TRMT13: variants seen among roughly 807,000 people sequenced by gnomAD.
TRMT13 encodes tRNA methyltransferase 13.
In TRMT13, 45 loss-of-function variants were observed where a neutral mutation model predicts 55.9. The observed-to-expected ratio is 0.80, with a 90% CI of 0.63 to 1.03. The LOEUF is 1.03. Ranked by LOEUF, TRMT13 falls within the 50% of genes least tolerant of loss-of-function variation. The pLI is 0.00. For missense variants in TRMT13, 513 were observed against 563.9 expected (o/e 0.91, Z 0.91); for synonymous variants, 183 against 196.3 (o/e 0.93, Z 0.57).
intron 3 of TRMT13, among the ~76,000 whole-genome samples, chr1:100,138,429 C>T (rs185154034): frequency 2.6e-5 from 4 of 151,994 alleles, no homozygotes; most frequent in Admixed American, 6.6e-5. Context: ...AGTTTTTTTC[C>T]GTTATCCAGT....
chr1:100,140,980 T>C lies in TRMT13; in HGVS notation c.630T>C (p.Val210=), dbSNP rs539584360. 1.2e-5 allele frequency: 19 copies of C among 1,613,564 alleles called. No individual in the cohort carries two copies. The East Asian group carries it at 4.2e-4, about 36-fold the overall frequency. ...TTGCCTTAAAAGATGCTGAAAAAGT[T>C]CACTTCATCCTAGTGGAAAAGGTGA... ...VDIALKDAEK[V]HFILVEKVTT... The change falls in exon 7 of 11, where the codon GTT becomes GTC. Residue 210 remains valine, a synonymous_variant. Coordinates refer to ENST00000370141, the MANE Select transcript of TRMT13 (RefSeq NM_019083.3).
intron 8 of TRMT13, 145 bp from the exon 9 acceptor site, chr1:100,143,924 A>G (rs1261585801): frequency 3.0e-6 from 2 of 657,256 alleles, no homozygotes; most frequent in Non-Finnish European, 5.4e-6. Context: ...TTCTTATGTT[A>G]TATGTTGGGT....
rs1216137465 is a variant in TRMT13 at position 100,148,663 on chromosome 1, T to G, written c.1289T>G (p.Leu430Arg). 1 of 1,611,738 alleles carries G rather than the reference T, an allele frequency of 6.2e-7. No homozygotes were observed. Among genetic ancestry groups the G allele is most frequent in the South Asian group, 1.1e-5 (1 of 90,192 alleles). The change falls in exon 11 of 11, where the codon CTT becomes CGT. Residue 430 changes from leucine (L) to arginine (R), a missense_variant. By Grantham distance (102) the Leu-to-Arg change is moderately radical (BLOSUM62 -2). Coordinates refer to ENST00000370141, the MANE Select transcript of TRMT13 (RefSeq NM_019083.3). ...GAAGAAAAGAAGAAAATAGGGCATC[T>G]TTGTAAATTGCTGATTGACCAAGGT... ...SVEEKKKIGH[L>R]CKLLIDQGRI...
At position 100,140,478 on chromosome 1, in the gene TRMT13, A is replaced by C; in HGVS notation, c.465A>C (p.Lys155Asn). 1 of 1,614,058 alleles carries C rather than the reference A, an allele frequency of 6.2e-7. No homozygotes were observed. Among genetic ancestry groups the C allele is most frequent in the Non-Finnish European group, 8.5e-7 (1 of 1,179,944 alleles). The change falls in exon 6 of 11, where the codon AAA becomes AAC. Residue 155 changes from lysine (K) to asparagine (N), a missense_variant. Transcript: ENST00000370141. Reference sequence around the variant, plus strand: ...TACACGATGCACTTAATGACCCTAAAAATGGCGATTCTGCAACCAAGCACC... The same window carrying C: ...TACACGATGCACTTAATGACCCTAACAATGGCGATTCTGCAACCAAGCACC... ...PALHDALNDP[K>N]NGDSATKHLK...
Position 100,149,447 on chromosome 1 carries a change from G to A in TRMT13, c.*627G>A. On this transcript the variant is annotated 3_prime_UTR_variant, in exon 11 of 11. Coordinates refer to ENST00000370141, the MANE Select transcript of TRMT13 (RefSeq NM_019083.3). ...ACAAAACTGAAGAGCTGTTTTCAAA[G>A]AAAAAAGATTATTTCACTTAATTAT... 1 of 1,532,940 alleles carries A rather than the reference G, an allele frequency of 6.5e-7. No individual in the cohort carries two copies. Among genetic ancestry groups the A allele is most frequent in the Non-Finnish European group, 8.8e-7 (1 of 1,140,608 alleles). 95.0% of individuals were successfully genotyped at this position (1,532,940 alleles called of 1,614,324 possible).
chr1:100,141,277 C>A (rs1254863140), intron 7 of TRMT13, among the ~76,000 whole-genome samples: 1 of 152,116 alleles, frequency 6.6e-6, no homozygotes, highest in East Asian at 1.9e-4. Flanking sequence ...GAGCCAAGCT[C>A]AAGCTAGGAG....
In TRMT13 at chr1:100,148,097, G is replaced by A; in HGVS notation, c.1021G>A (p.Asp341Asn). 6.2e-7 allele frequency: 1 copy of A among 1,614,230 alleles called. No individual in the cohort carries two copies. The highest frequency in any genetic ancestry group is 8.5e-7 in the Non-Finnish European group (1 of 1,180,040). Residue 341 changes from aspartate to asparagine, a missense_variant, in exon 10 of 11, where the codon GAT (aspartate) becomes AAT (asparagine). Coordinates refer to ENST00000370141, the MANE Select transcript of TRMT13 (RefSeq NM_019083.3). ...VIALCCHHRC[D>N]WRHYVGKEYF... ...TGCACTCTGTTGTCACCACAGGTGT[G>A]ATTGGAGACATTATGTGGGCAAAGA... is the stretch of plus-strand genomic sequence containing the variant.
At position 100,143,129 on chromosome 1, in the gene TRMT13, T is replaced by G. The variant is rs1656823467; in HGVS notation, c.670-8T>G. On this transcript the variant is annotated splice_polypyrimidine_tract_variant and splice_region_variant and intron_variant, in intron 7 of 10. Coordinates refer to ENST00000370141, the MANE Select transcript of TRMT13 (RefSeq NM_019083.3). ...AGTGATTATTACAATAATGTTCTGT[T>G]TGTGCAGGTGGATGGAAAACACAGA... is the stretch of plus-strand genomic sequence containing the variant. The G allele has an allele frequency of 1.9e-5, 30 of 1,593,290 alleles. No homozygotes were observed. The highest frequency in any genetic ancestry group is 2.6e-5 in the Non-Finnish European group (30 of 1,163,860).
intron 3 of TRMT13, among the ~76,000 whole-genome samples, chr1:100,137,537 C>T (rs1203619614): frequency 1.3e-5 from 2 of 152,062 alleles, no homozygotes; most frequent in African/African-American, 2.4e-5. Flanking sequence ...GTAGGCAAAC[C>T]TGCCTGACTT....
chr1:100,136,880 A>G lies in TRMT13; in HGVS notation c.148-2A>G. The G allele has an allele frequency of 6.3e-7, 1 of 1,592,022 alleles. No homozygotes were observed. Among genetic ancestry groups the G allele is most frequent in the Non-Finnish European group, 8.5e-7 (1 of 1,171,322 alleles). ...AAATAAATGTATCTCTTAATTTATT[A>G]GGAAGAAGATGCTCGGAAAAGAATC... On this transcript the variant is annotated splice_acceptor_variant, in intron 1 of 10. Transcript: ENST00000370141. LOFTEE classifies it high-confidence loss of function.
At chr1:100,148,560 A>G (rs1392293612) in intron 10 of TRMT13, 65 bp from the exon 11 acceptor site, 36 of 1,451,312 alleles carry the variant, frequency 2.5e-5, no homozygotes, top group Non-Finnish European at 3.4e-5. Context: ...AATAGTGACA[A>G]AAATAATTTT....
intron 3 of TRMT13, among the ~76,000 whole-genome samples, chr1:100,139,035 A>G (rs1382406929): frequency 6.6e-5 from 10 of 152,208 alleles, no homozygotes; most frequent in African/African-American, 2.4e-4. Context: ...CCTGGGTTCA[A>G]GGGATCCTTC....
Position 100,137,105 on chromosome 1 carries a change from A to AATTGAAT in TRMT13, c.261+21_261+27dup. 6.3e-7 allele frequency: 1 copy of AATTGAAT among 1,595,976 alleles called. No homozygotes were observed. Among genetic ancestry groups the AATTGAAT allele is most frequent in the Middle Eastern group, 2.2e-4 (1 of 4,632 alleles). ...AAACCTGTAAGTGTTTGATCAGTAA[A>AATTGAAT]ATTGAATGGTGAAATGTGGTATGTA... On this transcript the variant is annotated intron_variant, in intron 3 of 10. Transcript: ENST00000370141.
chr1:100,133,333 T>A lies in TRMT13; in HGVS notation c.147+18T>A. The A allele has an allele frequency of 6.2e-7, 1 of 1,612,778 alleles. No homozygotes were observed. ...CCGCGGAGGTGTGGTATCGCCCTAC[T>A]CTCTCAAGAGTCGGAAATAAGTATC... On this transcript the variant is annotated intron_variant, in intron 1 of 10. Transcript: ENST00000370141.
In TRMT13 at chr1:100,148,920, G is replaced by A. The variant is rs886577804; in HGVS notation, c.*100G>A. The A allele has an allele frequency of 1.9e-5, 22 of 1,139,412 alleles. No individual in the cohort carries two copies. The highest frequency in any genetic ancestry group is 3.3e-5 in the African/African-American group (2 of 61,526). The allele number at this position is 1,139,412 out of a possible 1,614,324, so 70.6% of individuals were successfully genotyped here. ...ATATACTTTAAATAGCAAATAATAT[G>A]AACTTTAAAAAATGCTGTGGCCTCA... On this transcript the variant is annotated 3_prime_UTR_variant, in exon 11 of 11. Coordinates refer to ENST00000370141, the MANE Select transcript of TRMT13 (RefSeq NM_019083.3).
intron 7 of TRMT13, 52 bp downstream of exon 7, chr1:100,141,071 G>A: frequency 6.9e-7 from 1 of 1,444,442 alleles, no homozygotes. Flanking sequence ...TTCATTTTTT[G>A]TATTCAGGAA....
intron 1 of TRMT13, among the ~76,000 whole-genome samples, chr1:100,134,497 A>G (rs994080989): frequency 6.6e-6 from 1 of 152,200 alleles, no homozygotes; most frequent in African/African-American, 2.4e-5. Context: ...GCCACTCTCC[A>G]TCATAGTTGT....
chr1:100,136,951 T>G lies in TRMT13; in HGVS notation c.194+23T>G, dbSNP rs200608313. ...ACAGTAAGTGTGGATCAGATACGGG[T>G]TTTTTTTTGTGCTGGAAACAGTAAT... On this transcript the variant is annotated intron_variant, in intron 2 of 10. Transcript: ENST00000370141. 5.4e-4 allele frequency: 843 copies of G among 1,567,874 alleles called. 1 individual carries two copies. The highest frequency in any genetic ancestry group is 6.2e-4 in the Non-Finnish European group (716 of 1,158,368).
In TRMT13 at chr1:100,137,066, C is replaced by T; in HGVS notation, c.242C>T (p.Ser81Leu). The change falls in exon 3 of 11, where the codon TCA becomes TTA. Residue 81 changes from serine (S) to leucine (L), a missense_variant. Ser to Leu is a moderately radical substitution (Grantham distance 145). Coordinates refer to ENST00000370141, the MANE Select transcript of TRMT13 (RefSeq NM_019083.3). Reference protein sequence around the residue: ...QLAKHLKKCNSREKPKPDFYI... With the variant: ...QLAKHLKKCNLREKPKPDFYI... ...GCAAAGCATTTGAAAAAATGTAACT[C>T]AAGAGAGAAACCAAAACCTGTAAGT... 1 of 1,612,194 alleles carries T rather than the reference C, an allele frequency of 6.2e-7. No individual in the cohort carries two copies. The highest frequency in any genetic ancestry group is 8.5e-7 in the Non-Finnish European group (1 of 1,179,610).
Sources: gnomAD v4.1 joint callset for allele counts (sites outside exome capture counted in the v4.1 genomes callset) on GRCh38, gnomAD v4.1.1 for gene constraint, MANE v1.5 for transcripts, NCBI Gene and HGNC (gene_info 2026-07-23, HGNC 2026-07-21) for gene names.